The following AOPEP variants were observed in gnomAD, a reference collection of about 807,000 sequenced individuals.
AOPEP encodes aminopeptidase O (putative), also known as aminopeptidase O.
AOPEP carries 77 observed loss-of-function variants against 98.1 expected under a neutral mutation model. The ratio of observed to expected loss-of-function variants is 0.78; its 90% CI spans 0.65 to 0.95. AOPEP has a LOEUF of 0.95. AOPEP is among the 40% of genes least tolerant of loss of function. The pLI, the probability that AOPEP is intolerant of heterozygous loss-of-function variation, is 0.00. For missense variants in AOPEP, 1,024 were observed against 1,024.7 expected (o/e 1.00, Z 0.01); for synonymous variants, 346 against 365.3 (o/e 0.95, Z 0.60).
chr9:94,962,204 C>T (rs2058890888), intron 9 of AOPEP, among the ~76,000 whole-genome samples: 1 of 152,292 alleles, frequency 6.6e-6, no homozygotes, highest in East Asian at 1.9e-4. Flanking sequence ...TATTGTTCCT[C>T]CAATTTAGGT....
rs530374797 is a variant in AOPEP at position 94,837,828 on chromosome 9, G to A, written c.1364+36826G>A. On this transcript the variant is annotated intron_variant, in intron 5 of 16. Coordinates refer to ENST00000375315, the MANE Select transcript of AOPEP (RefSeq NM_001193329.3). ...AATACTGAATGAGAAAAAGTTGAAA[G>A]CTTTCTCTCTGAGAACTGAAATAAG... 2.6e-5 allele frequency among the ~76,000 whole-genome samples: 4 copies of A among 152,270 alleles called. No individual in the cohort carries two copies. The South Asian group carries it at 8.3e-4, about 32-fold the overall frequency.
chr9:94,948,944 G>C (rs986240632), intron 7 of AOPEP, among the ~76,000 whole-genome samples: 3 of 152,292 alleles, frequency 2.0e-5, no homozygotes, highest in African/African-American at 7.2e-5. Flanking sequence ...CAGCCTCCCA[G>C]CTCTCTTTAT....
chr9:94,817,200 T>G (rs1037028590), intron 5 of AOPEP, among the ~76,000 whole-genome samples: 2 of 152,102 alleles, frequency 1.3e-5, no homozygotes. Context: ...AGATGGGGTT[T>G]CGCCACGTTG....
At chr9:94,789,168 T>C (rs1845092728) in intron 3 of AOPEP, among the ~76,000 whole-genome samples, 1 of 152,228 alleles carries the variant, frequency 6.6e-6, no homozygotes, top group Non-Finnish European at 1.5e-5. Context: ...CTGCAGGAAT[T>C]GTCTCCTGCT....
chr9:94,793,048 C>T, intron 4 of AOPEP, 130 bp downstream of exon 4: 4 of 1,076,980 alleles, frequency 3.7e-6, no homozygotes, highest in Non-Finnish European at 4.0e-6. Context: ...TAGGATTAAT[C>T]AAAGCAGGAA....
chr9:94,963,593 T>C (rs1450144278), intron 9 of AOPEP, among the ~76,000 whole-genome samples: 7 of 137,236 alleles, frequency 5.1e-5, no homozygotes, highest in Non-Finnish European at 8.9e-5. Context: ...TCTATTGTTT[T>C]ATCAATAGAT....
intron 4 of AOPEP, among the ~76,000 whole-genome samples, chr9:94,797,518 G>T (rs1470665707): frequency 6.6e-6 from 1 of 151,468 alleles, no homozygotes; most frequent in Non-Finnish European, 1.5e-5. Flanking sequence ...AGTTATCATA[G>T]AATCATAGTG....
At position 94,819,296 on chromosome 9, in the gene AOPEP, G is replaced by C. The variant is rs145299646; in HGVS notation, c.1364+18294G>C. ...AAAGGACTGCGTGATGGAAACTTCT[G>C]AAAGAACCCTCTGTCACCCCACCCG... On this transcript the variant is annotated intron_variant, in intron 5 of 16. Transcript: ENST00000375315. Among the ~76,000 whole-genome samples the C allele has an allele frequency of 1.7e-4, 26 of 152,306 alleles. No homozygotes were observed. In the East Asian group the frequency reaches 4.6e-3, roughly 27 times the overall value.
At chr9:94,751,926 T>C (rs192600989) in intron 1 of AOPEP, among the ~76,000 whole-genome samples, 42 of 146,964 alleles carry the variant, frequency 2.9e-4, no homozygotes, top group Non-Finnish European at 3.0e-5. Flanking sequence ...AGGGTCTCGC[T>C]GTGTTGCTCA....
At chr9:94,871,895 T>C (rs959180974) in intron 5 of AOPEP, among the ~76,000 whole-genome samples, 1 of 152,084 alleles carries the variant, frequency 6.6e-6, no homozygotes, top group Non-Finnish European at 1.5e-5. Context: ...TAGTCCCAGC[T>C]ACTCGGGAGG....
intron 1 of AOPEP, among the ~76,000 whole-genome samples, chr9:94,742,698 G>A (rs906461991): frequency 5.3e-5 from 8 of 152,294 alleles, no homozygotes; most frequent in African/African-American, 1.7e-4. Flanking sequence ...CTCCCAAAAT[G>A]CTGGGATTAC....
intron 5 of AOPEP, among the ~76,000 whole-genome samples, chr9:94,860,829 C>A (rs1436126855): frequency 6.6e-6 from 1 of 152,172 alleles, no homozygotes; most frequent in Non-Finnish European, 1.5e-5. Context: ...TGACACAGAG[C>A]ACACCATAAA....
the AOPEP span, chr9:95,125,158 G>C: frequency 1.9e-6 from 3 of 1,613,930 alleles, no homozygotes; most frequent in African/African-American, 4.0e-5. Flanking sequence ...TGATTTCCAG[G>C]GCCCCATCGG....
intron 14 of AOPEP, among the ~76,000 whole-genome samples, chr9:95,063,736 G>A (rs2067554245): frequency 6.6e-6 from 1 of 152,194 alleles, no homozygotes; most frequent in African/African-American, 2.4e-5. Flanking sequence ...AGAGGACTCC[G>A]AGATTGGATT....
intron 1 of AOPEP, among the ~76,000 whole-genome samples, chr9:94,737,990 T>G (rs1355598770): frequency 1.3e-5 from 2 of 152,190 alleles, no homozygotes; most frequent in Non-Finnish European, 2.9e-5. Flanking sequence ...CAGGGGAATC[T>G]CACTTCTGCC....
At chr9:94,786,881 G>A (rs78041517) in intron 3 of AOPEP, among the ~76,000 whole-genome samples, 5,780 of 152,222 alleles carry the variant, frequency 0.038, 349 homozygotes, top group African/African-American at 0.13. Flanking sequence ...GATCTGCCCC[G>A]ATTTGACTGT....
intron 11 of AOPEP, among the ~76,000 whole-genome samples, chr9:94,985,110 G>A (rs953981997): frequency 2.6e-5 from 4 of 152,242 alleles, no homozygotes; most frequent in South Asian, 2.1e-4. Context: ...GTGCTCAGCC[G>A]CCAGTTCCTG....
chr9:94,773,232 A>C, intron 3 of AOPEP, 64 bp downstream of exon 3: 1 of 1,415,214 alleles, frequency 7.1e-7, no homozygotes, highest in Non-Finnish European at 9.6e-7. Flanking sequence ...GAACCCAATA[A>C]ACAGTATTTT....
At chr9:95,049,199 C>T (rs1206519826) in intron 13 of AOPEP, 1 of 152,158 alleles carries the variant, frequency 6.6e-6, no homozygotes, top group Non-Finnish European at 1.5e-5. Context: ...AGGATCTGTG[C>T]TCACTGGTTT....
Sources: gnomAD v4.1 joint callset for allele counts (sites outside exome capture counted in the v4.1 genomes callset) on GRCh38, gnomAD v4.1.1 for gene constraint, MANE v1.5 for transcripts, NCBI Gene and HGNC (gene_info 2026-07-23, HGNC 2026-07-21) for gene names.